HIVEP3: variants seen among roughly 807,000 people sequenced by gnomAD.
HIVEP3 encodes the protein transcription factor HIVEP3.
Under a neutral mutation model 152.8 loss-of-function variants are expected in HIVEP3, and 49 were observed. That is an observed-to-expected ratio of 0.32 (90% CI 0.26 to 0.41). HIVEP3 has a LOEUF of 0.41. Among genes scored for constraint, HIVEP3 ranks in the 10% least tolerant of loss-of-function variants. The pLI is 1.00. For missense variants in HIVEP3, 2,790 were observed against 3,103.3 expected (o/e 0.90, Z 2.40); for synonymous variants, 1,269 against 1,289.0 (o/e 0.98, Z 0.33).
intron 1 of HIVEP3, among the ~76,000 whole-genome samples, chr1:41,859,592 T>A (rs1643862576): frequency 6.6e-6 from 1 of 152,178 alleles, no homozygotes; most frequent in South Asian, 2.1e-4. Flanking sequence ...CTCTCTGAAG[T>A]TACCAAGCCA....
At chr1:41,937,295 G>A (rs1645024562) in intron 1 of HIVEP3, among the ~76,000 whole-genome samples, 1 of 152,190 alleles carries the variant, frequency 6.6e-6, no homozygotes, top group South Asian at 2.1e-4. Context: ...ATGCAATTTG[G>A]TTCTAAACTG....
chr1:42,016,152 T>C (rs1225559010), intron 1 of HIVEP3, among the ~76,000 whole-genome samples: 4 of 152,222 alleles, frequency 2.6e-5, no homozygotes, highest in Admixed American at 2.0e-4. Context: ...TATATACACA[T>C]ACATATGTGA....
intron 1 of HIVEP3, among the ~76,000 whole-genome samples, chr1:41,915,826 G>A (rs1644862033): frequency 6.6e-6 from 1 of 152,230 alleles, no homozygotes. Flanking sequence ...GGCCAAGTCT[G>A]ACCCAGAATG....
chr1:41,575,288 G>C (rs1313557252), intron 5 of HIVEP3, among the ~76,000 whole-genome samples: 1 of 152,196 alleles, frequency 6.6e-6, no homozygotes, highest in Non-Finnish European at 1.5e-5. Flanking sequence ...TGAGGGGCTG[G>C]AGAAAGACCC....
At position 41,728,007 on chromosome 1, in the gene HIVEP3, A is replaced by G. The variant is rs1332448717; in HGVS notation, c.-800-27012T>C. ...GGTGCACCTTCAGGATACCTGGGGA[A>G]CAGACAGGGAGAGTATCCACCATCT... is the stretch of plus-strand genomic sequence containing the variant. On this transcript the variant is annotated intron_variant, in intron 1 of 8. Transcript: ENST00000372583. Among the ~76,000 whole-genome samples the G allele has an allele frequency of 2.0e-5, 3 of 152,208 alleles. No homozygotes were observed. In the East Asian group the frequency reaches 5.8e-4, roughly 29 times the overall value.
chr1:41,769,073 G>A (rs1194878955), intron 1 of HIVEP3, among the ~76,000 whole-genome samples: 2 of 152,152 alleles, frequency 1.3e-5, no homozygotes, highest in Non-Finnish European at 2.9e-5. Flanking sequence ...ATATCTGTTA[G>A]CATCATGGCC....
At chr1:41,870,879 C>A (rs1241154518) in intron 1 of HIVEP3, among the ~76,000 whole-genome samples, 2 of 152,142 alleles carry the variant, frequency 1.3e-5, no homozygotes, top group South Asian at 2.1e-4. Flanking sequence ...TGACTCTGGG[C>A]AAGCAACTTA....
intron 3 of HIVEP3, among the ~76,000 whole-genome samples, chr1:41,586,016 G>A (rs1393371256): frequency 6.6e-6 from 1 of 152,230 alleles, no homozygotes. Flanking sequence ...TACTGCCACA[G>A]CCTGTGAGAA....
chr1:42,003,579 C>T (rs1269694768), intron 1 of HIVEP3, among the ~76,000 whole-genome samples: 4 of 152,112 alleles, frequency 2.6e-5, no homozygotes, highest in African/African-American at 7.2e-5. Context: ...GGGAGCAAGT[C>T]CCCCAGGCAC....
rs761273679 is a variant in HIVEP3 at position 41,554,690 on chromosome 1, T to C, written c.5207+20854A>G. ...GGGGTTGTGGTGTTGATGTCCTTTT[T>C]GTTGATGTTGATGCTATTCCTTTCT... On this transcript the variant is annotated intron_variant, in intron 5 of 8. Transcript: ENST00000372583. Among the ~76,000 whole-genome samples, 8 of 152,220 alleles carry C rather than the reference T, an allele frequency of 5.3e-5. 1 individual carries two copies. Among genetic ancestry groups the C allele is most frequent in the South Asian group, 2.1e-4 (1 of 4,826 alleles).
chr1:41,583,355 G>A lies in HIVEP3; in HGVS notation c.1443C>T (p.Ile481=), dbSNP rs546215210. The A allele has an allele frequency of 8.1e-6, 13 of 1,612,196 alleles. No homozygotes were observed. Among genetic ancestry groups the A allele is most frequent in the East Asian group, 2.2e-5 (1 of 44,800 alleles). Residue 481 remains isoleucine, a synonymous_variant, in exon 4 of 9, where the codon ATC becomes ATT. Transcript: ENST00000372583. The surrounding 1 kb of genome is among the most constrained non-coding windows in gnomAD (Gnocchi z 6.9). The part of the protein sequence containing the change: ...INEAVVDTSE[I]DSVKPRRSSL... ...AGCTCCGCCTTGGCTTCACGCTGTC[G>A]ATCTCGCTGGTGTCCACCACGGCCT... is the stretch of plus-strand genomic sequence containing the variant.
chr1:41,598,678 T>C (rs1484105854), intron 3 of HIVEP3, among the ~76,000 whole-genome samples: 2 of 152,134 alleles, frequency 1.3e-5, no homozygotes, highest in Non-Finnish European at 2.9e-5. Flanking sequence ...AAAACAGACA[T>C]AAATCATAGG....
intron 1 of HIVEP3, among the ~76,000 whole-genome samples, chr1:41,776,956 A>C (rs1266900515): frequency 6.6e-6 from 1 of 152,066 alleles, no homozygotes; most frequent in African/African-American, 2.4e-5. Flanking sequence ...CAGGGAGGAG[A>C]GGTTAAGCAA....
intron 1 of HIVEP3, among the ~76,000 whole-genome samples, chr1:41,846,416 T>C (rs948532712): frequency 1.3e-5 from 2 of 152,336 alleles, no homozygotes; most frequent in Non-Finnish European, 2.9e-5. Context: ...GGATTTTTCA[T>C]TTAATAGATT....
intron 1 of HIVEP3, among the ~76,000 whole-genome samples, chr1:41,773,596 G>A (rs570362954): frequency 6.6e-6 from 1 of 152,300 alleles, no homozygotes; most frequent in South Asian, 2.1e-4. Context: ...TCAGCCAATT[G>A]GTAAATGCTT....
rs767732877 is a variant in HIVEP3 at position 41,510,781 on chromosome 1, C to G, written c.6891G>C (p.Gly2297=). ...GCGTGGGTGTGGGCTCTGCAGGTGC[C>G]CCGGTCCCATGGGGTGTCCAGTCAG... ...RPPDWTPHGT[G]APAEPTPTHS... is the part of the protein sequence containing the mutation. The change falls in exon 9 of 9, where the codon GGG becomes GGC. Residue 2297 remains glycine, a synonymous_variant. Transcript: ENST00000372583. 4 of 1,606,566 alleles carry G rather than the reference C, an allele frequency of 2.5e-6. No individual in the cohort carries two copies. The highest frequency in any genetic ancestry group is 3.4e-6 in the Non-Finnish European group (4 of 1,177,068).
chr1:42,020,742 C>A (rs1025005963), intron 1 of HIVEP3, among the ~76,000 whole-genome samples: 2 of 152,110 alleles, frequency 1.3e-5, no homozygotes, highest in African/African-American at 4.8e-5. Context: ...ATGGAGTTTT[C>A]ATTTAATGAG....
intron 5 of HIVEP3, among the ~76,000 whole-genome samples, chr1:41,537,135 T>C (rs1427981895): frequency 1.3e-5 from 2 of 152,344 alleles, no homozygotes; most frequent in African/African-American, 2.4e-5. Context: ...TTTTCTGAAA[T>C]GAAGGGATGA....
In HIVEP3 at chr1:41,931,722, G is replaced by A. The variant is rs560357880; in HGVS notation, n.120-13198C>T. ...TTATATCTAAGAATTTGTGGGTTTC[G>A]GTGCTACTGAAAAGGCTATTGCTCT... On this transcript the variant is annotated intron_variant and non_coding_transcript_variant, in intron 1 of 3. Transcript: ENST00000489103. Among the ~76,000 whole-genome samples, 23 of 151,860 alleles carry A rather than the reference G, an allele frequency of 1.5e-4. No individual in the cohort carries two copies. The East Asian group carries it at 2.7e-3, about 18-fold the overall frequency.
Sources: gnomAD v4.1 joint callset for allele counts (sites outside exome capture counted in the v4.1 genomes callset) on GRCh38, gnomAD v4.1.1 for gene constraint, Gnocchi (gnomAD v3.1) non-coding constraint, MANE v1.5 for transcripts, NCBI Gene and HGNC (gene_info 2026-07-23, HGNC 2026-07-21) for gene names.